Variants in GPC3 observed in about 807,000 individuals in gnomAD.
GPC3 encodes the protein glypican 3, also known as glypican-3.
Under a neutral mutation model 34.4 loss-of-function variants are expected in GPC3, and 3 were observed. The observed-to-expected ratio is 0.09, with a 90% CI of 0.04 to 0.23. The LOEUF (loss-of-function observed/expected upper bound fraction) is 0.23. Among genes scored for constraint, GPC3 ranks in the 10% least tolerant of loss-of-function variants. The pLI, the probability that GPC3 is intolerant of heterozygous loss-of-function variation, is 1.00. For missense variants in GPC3, 351 were observed against 445.6 expected (o/e 0.79, Z 1.91); for synonymous variants, 177 against 174.0 (o/e 1.02, Z -0.13).
intron 7 of GPC3, among the ~76,000 whole-genome samples, chrX:133,564,368 A>G (rs2069565283): frequency 9.0e-6 from 1 of 111,189 alleles, no homozygotes; most frequent in Admixed American, 9.7e-5. Context: ...TCCTCCCAAC[A>G]TGTTCCTTTC....
In GPC3 at chrX:133,894,932, T is replaced by C. The variant is rs775850691; in HGVS notation, c.337+58118A>G. On this transcript the variant is annotated intron_variant, in intron 2 of 7. Transcript: ENST00000370818. Reference sequence around the variant, plus strand: ...ACAATTGATCCTGGGACCAAAAGCATCTATTTGTTTACTTTCAAGTGCATT... The same window carrying C: ...ACAATTGATCCTGGGACCAAAAGCACCTATTTGTTTACTTTCAAGTGCATT... 5.2e-4 allele frequency among the ~76,000 whole-genome samples: 58 copies of C among 112,489 alleles called. 1 individual carries two copies. In the South Asian group the frequency reaches 0.021, roughly 41 times the overall value.
chrX:133,883,940 T>A (rs1365355581), intron 2 of GPC3, among the ~76,000 whole-genome samples: 1 of 112,198 alleles, frequency 8.9e-6, no homozygotes, highest in East Asian at 2.8e-4. Context: ...TGTTGAATGG[T>A]CTTTGAAATT....
At chrX:133,863,682 T>C (rs1210033921) in intron 2 of GPC3, among the ~76,000 whole-genome samples, 1 of 76,075 alleles carries the variant, frequency 1.3e-5, no homozygotes, top group Non-Finnish European at 2.4e-5. Flanking sequence ...GGAGTCTCGC[T>C]CTGTCGCCCA....
intron 6 of GPC3, among the ~76,000 whole-genome samples, chrX:133,631,869 T>C (rs941991736): frequency 4.5e-5 from 5 of 109,978 alleles, no homozygotes; most frequent in African/African-American, 1.7e-4. Context: ...TTACCAATTG[T>C]TCAATGATGA....
chrX:133,670,624 A>G (rs1222607033), intron 5 of GPC3, among the ~76,000 whole-genome samples: 3 of 112,055 alleles, frequency 2.7e-5, no homozygotes, highest in African/African-American at 9.8e-5. Flanking sequence ...ATTGCATGTA[A>G]TCCCTAACTC....
chrX:133,664,485 G>C (rs2070752694), intron 5 of GPC3, among the ~76,000 whole-genome samples: 4 of 110,363 alleles, frequency 3.6e-5, no homozygotes. Context: ...TAAAAAGCTG[G>C]ACTACATTTT....
intron 5 of GPC3, among the ~76,000 whole-genome samples, chrX:133,691,852 A>G (rs1201858366): frequency 8.9e-6 from 1 of 112,503 alleles, no homozygotes; most frequent in African/African-American, 3.2e-5. Context: ...TTATGCTTTA[A>G]ACTCTGTAAA....
intron 7 of GPC3, among the ~76,000 whole-genome samples, chrX:133,574,336 A>G (rs1478243425): frequency 1.8e-5 from 2 of 110,764 alleles, no homozygotes; most frequent in African/African-American, 6.5e-5. Flanking sequence ...TTATATCCCA[A>G]TGAAGCTATT....
chrX:133,838,481 T>C (rs1349864845), intron 2 of GPC3, among the ~76,000 whole-genome samples: 1 of 112,665 alleles, frequency 8.9e-6, no homozygotes, highest in Non-Finnish European at 1.9e-5. Context: ...CATTTGGAAA[T>C]ATCGTGTTTG....
chrX:133,556,769 T>TG (rs1208165315), intron 7 of GPC3, among the ~76,000 whole-genome samples: 5 of 49,600 alleles, frequency 1.0e-4, no homozygotes, highest in Non-Finnish European at 1.7e-4. Flanking sequence ...TTAAAGTTTT[T>TG]GGGGGGGTGG....
At chrX:133,629,621 C>T (rs1247967358) in intron 6 of GPC3, among the ~76,000 whole-genome samples, 4 of 108,319 alleles carry the variant, frequency 3.7e-5, no homozygotes, top group African/African-American at 1.3e-4. Flanking sequence ...GTCTAGAACT[C>T]CTGACCTCGT....
chrX:133,577,724 T>C (rs2069698150), intron 7 of GPC3, among the ~76,000 whole-genome samples: 2 of 112,230 alleles, frequency 1.8e-5, no homozygotes, highest in Non-Finnish European at 3.8e-5. Context: ...TTTGCCCCTG[T>C]GAGTAGAACA....
chrX:133,804,643 G>A (rs1360314381), intron 2 of GPC3, among the ~76,000 whole-genome samples: 2 of 111,187 alleles, frequency 1.8e-5, no homozygotes, highest in East Asian at 2.8e-4. Context: ...AAAGAGGCAC[G>A]TCAAGATCCC....
intron 5 of GPC3, among the ~76,000 whole-genome samples, chrX:133,682,966 C>CA (rs751037276): frequency 0.064 from 3,231 of 50,106 alleles, 79 homozygotes; most frequent in Middle Eastern, 0.15. Context: ...GACTCTGACT[C>CA]AAAAAAAAAA....
chrX:133,740,840 C>A (rs1383289269), intron 3 of GPC3, among the ~76,000 whole-genome samples: 1 of 110,172 alleles, frequency 9.1e-6, no homozygotes, highest in Admixed American at 9.6e-5. Context: ...TCAAAAAGCT[C>A]ATCAAGAATG....
chrX:133,899,462 T>C (rs1271237319), intron 2 of GPC3, among the ~76,000 whole-genome samples: 2 of 111,933 alleles, frequency 1.8e-5, no homozygotes, highest in Non-Finnish European at 3.8e-5. Flanking sequence ...TTCACAGCTA[T>C]TACCAACCAA....
At chrX:133,800,649 C>T (rs149925057) in intron 2 of GPC3, among the ~76,000 whole-genome samples, 7 of 111,828 alleles carry the variant, frequency 6.3e-5, no homozygotes, top group East Asian at 2.8e-4. Context: ...GCAAGTAATA[C>T]GGCGGGCTAC....
At chrX:133,732,740 C>T (rs760258694) in intron 3 of GPC3, among the ~76,000 whole-genome samples, 1 of 111,911 alleles carries the variant, frequency 8.9e-6, no homozygotes, top group South Asian at 3.8e-4. Flanking sequence ...CTAAATCACC[C>T]AAATTGGCAT....
intron 2 of GPC3, among the ~76,000 whole-genome samples, chrX:133,821,534 T>C (rs1392241468): frequency 8.9e-6 from 1 of 112,061 alleles, no homozygotes; most frequent in Non-Finnish European, 1.9e-5. Context: ...GCTGGGGCTA[T>C]AGAGATACAT....
Sources: gnomAD v4.1 joint callset for allele counts (sites outside exome capture counted in the v4.1 genomes callset) on GRCh38, gnomAD v4.1.1 for gene constraint, MANE v1.5 for transcripts, NCBI Gene and HGNC (gene_info 2026-07-23, HGNC 2026-07-21) for gene names.